MTUS2: variants seen among roughly 807,000 people sequenced by gnomAD.
MTUS2 encodes the protein microtubule-associated tumor suppressor candidate 2.
A neutral mutation model predicts 114.1 loss-of-function variants in MTUS2; 40 were observed. The observed-to-expected ratio is 0.35, with a 90% CI of 0.27 to 0.46. MTUS2 has a LOEUF of 0.46. Among genes scored for constraint, MTUS2 ranks in the 20% least tolerant of loss-of-function variants. The pLI is 1.00. For missense variants in MTUS2, 1,679 were observed against 1,705.4 expected (o/e 0.98, Z 0.27); for synonymous variants, 688 against 672.0 (o/e 1.02, Z -0.37).
At chr13:29,287,548 A>AACAC (rs1898541074) in intron 6 of MTUS2, among the ~76,000 whole-genome samples, 1 of 152,042 alleles carries the variant, frequency 6.6e-6, no homozygotes, top group Non-Finnish European at 1.5e-5. Flanking sequence ...TCCCTCACTG[A>AACAC]ACACATGTGT....
At chr13:29,024,361 A>G (rs186586) in intron 2 of MTUS2, 96 bp from the exon 3 acceptor site, 136,366 of 265,376 alleles carry the variant, frequency 0.51, 35,779 homozygotes, top group African/African-American at 0.62. Context: ...TGAAATAATA[A>G]TATAGAAATG....
chr13:28,971,466 AAG>A (rs1441464884), intron 2 of MTUS2, among the ~76,000 whole-genome samples: 2 of 152,192 alleles, frequency 1.3e-5, no homozygotes, highest in African/African-American at 2.4e-5. Flanking sequence ...CAAGCTGAAA[AAG>A]AAATTGTAAT....
At chr13:28,856,453 G>A (rs895309071) in intron 2 of MTUS2, among the ~76,000 whole-genome samples, 2 of 152,182 alleles carry the variant, frequency 1.3e-5, no homozygotes, top group African/African-American at 4.8e-5. Flanking sequence ...CAGACTGGGT[G>A]TCTCCGAGGG....
Position 29,325,509 on chromosome 13 carries a change from G to T in MTUS2, c.2905+798G>T, listed in dbSNP as rs1342565124. Among the ~76,000 whole-genome samples, 26 of 128,800 alleles carry T rather than the reference G, an allele frequency of 2.0e-4. 1 individual carries two copies. Among genetic ancestry groups the T allele is most frequent in the African/African-American group, 8.8e-4 (26 of 29,494 alleles). The allele number at this position is 128,800 out of a possible 152,430, so 84.5% of individuals were successfully genotyped here. ...GGAAGAGGGAGGAGGAGGAGGAGGA[G>T]AAGGAGGAGGAGGAGGGAGGAAGGA... is the stretch of plus-strand genomic sequence containing the variant. On this transcript the variant is annotated intron_variant, in intron 7 of 15. Transcript: ENST00000612955.
In MTUS2 at chr13:29,025,651, G is replaced by C. The variant is rs759926433; in HGVS notation, c.953G>C (p.Arg318Thr). ...AKLDLKYVPPRRVEQEGKAAQ... is the reference protein window; with the variant it reads ...AKLDLKYVPPTRVEQEGKAAQ... Reference sequence around the variant, plus strand: ...CTGGATCTGAAATATGTTCCTCCCAGGAGAGTTGAACAGGAGGGAAAGGCA... The same window carrying C: ...CTGGATCTGAAATATGTTCCTCCCACGAGAGTTGAACAGGAGGGAAAGGCA... The change falls in exon 3 of 16, where the codon AGG (arginine) becomes ACG (threonine). Residue 318 changes from arginine (R) to threonine (T), a missense_variant. Transcript: ENST00000612955. 1 of 1,614,034 alleles carries C rather than the reference G, an allele frequency of 6.2e-7. No individual in the cohort carries two copies. Among genetic ancestry groups the C allele is most frequent in the Admixed American group, 1.7e-5 (1 of 60,032 alleles).
chr13:29,292,193 T>C (rs1278731975), intron 6 of MTUS2, among the ~76,000 whole-genome samples: 1 of 152,238 alleles, frequency 6.6e-6, no homozygotes, highest in Non-Finnish European at 1.5e-5. Flanking sequence ...GAAACACTTC[T>C]CAGCTGTGAT....
intron 2 of MTUS2, among the ~76,000 whole-genome samples, chr13:28,959,189 C>T (rs1399493659): frequency 6.6e-6 from 1 of 152,184 alleles, no homozygotes; most frequent in Non-Finnish European, 1.5e-5. Context: ...AGGAGCAGTT[C>T]AGTAAGACAG....
chr13:29,378,392 G>T (rs1028254360), intron 8 of MTUS2, among the ~76,000 whole-genome samples: 2 of 152,038 alleles, frequency 1.3e-5, no homozygotes, highest in African/African-American at 4.8e-5. Context: ...TTTGTGCTCC[G>T]TGGGATGAGG....
intron 5 of MTUS2, among the ~76,000 whole-genome samples, chr13:29,200,075 C>G (rs1007633108): frequency 6.6e-6 from 1 of 152,040 alleles, no homozygotes; most frequent in African/African-American, 2.4e-5. Flanking sequence ...TAATTCTTCT[C>G]TCTTTTCTTC....
intron 7 of MTUS2, among the ~76,000 whole-genome samples, chr13:29,345,612 A>T (rs907258603): frequency 3.3e-5 from 5 of 151,764 alleles, no homozygotes; most frequent in African/African-American, 9.7e-5. Context: ...TGGTGCCTCC[A>T]TGTGTGGCTT....
intron 8 of MTUS2, among the ~76,000 whole-genome samples, chr13:29,368,441 A>AG (rs34490637): frequency 0.2 from 30,747 of 152,060 alleles, 3,220 homozygotes; most frequent in Middle Eastern, 0.25. Context: ...GGGTGACTGT[A>AG]TTAACAACAA....
chr13:29,356,117 C>A (rs908584479), intron 7 of MTUS2, among the ~76,000 whole-genome samples: 1 of 152,082 alleles, frequency 6.6e-6, no homozygotes, highest in Non-Finnish European at 1.5e-5. Context: ...ATACTTCAAG[C>A]AGTGGGGAAG....
intron 4 of MTUS2, among the ~76,000 whole-genome samples, chr13:29,046,951 G>A (rs1887649467): frequency 6.6e-6 from 1 of 152,146 alleles, no homozygotes; most frequent in Admixed American, 6.5e-5. Context: ...TGTATGACCT[G>A]ACCCCAGCCA....
At chr13:28,892,981 G>A (rs749856927) in intron 2 of MTUS2, among the ~76,000 whole-genome samples, 50 of 152,282 alleles carry the variant, frequency 3.3e-4, no homozygotes, top group Middle Eastern at 3.4e-3. Context: ...TCTTGGGGTG[G>A]TAGGCATTCA....
chr13:29,221,135 C>T (rs1270712917), intron 5 of MTUS2, among the ~76,000 whole-genome samples: 1 of 152,168 alleles, frequency 6.6e-6, no homozygotes, highest in Non-Finnish European at 1.5e-5. Flanking sequence ...TTCTCACCTG[C>T]CTGTGCATCT....
chr13:29,389,746 CAT>C (rs1873147340), intron 8 of MTUS2, among the ~76,000 whole-genome samples: 5 of 44,472 alleles, frequency 1.1e-4, no homozygotes, highest in Non-Finnish European at 2.2e-4. Flanking sequence ...TATGTATATA[CAT>C]ACATATGTGT....
chr13:29,006,078 A>T (rs1032494020), intron 2 of MTUS2, among the ~76,000 whole-genome samples: 9 of 152,144 alleles, frequency 5.9e-5, no homozygotes, highest in Non-Finnish European at 1.2e-4. Context: ...TTTCTCTTGT[A>T]TGGAGGGGCT....
chr13:29,302,325 G>C (rs1341840420), intron 6 of MTUS2, among the ~76,000 whole-genome samples: 1 of 152,166 alleles, frequency 6.6e-6, no homozygotes, highest in Non-Finnish European at 1.5e-5. Flanking sequence ...GGAAAACCAT[G>C]CTTCTCCCAT....
rs140707090 is a variant in MTUS2 at position 28,937,197 on chromosome 13, C to G, written c.-242-87260C>G. ...GAATTGTAAAATGCACCAATCAGCA[C>G]TCTGTAGCTAGGATTGTAAAATGCA... On this transcript the variant is annotated intron_variant, in intron 2 of 15. Transcript: ENST00000612955. Among the ~76,000 whole-genome samples the G allele has an allele frequency of 8.4e-3, 1,279 of 152,248 alleles. 17 individuals are homozygous for G. Among genetic ancestry groups the G allele is most frequent in the African/African-American group, 0.03 (1,230 of 41,542 alleles).
Sources: allele counts gnomAD v4.1 joint callset (sites outside exome capture counted in the v4.1 genomes callset), GRCh38; gene constraint gnomAD v4.1.1; transcripts MANE v1.5; gene names NCBI Gene and HGNC (gene_info 2026-07-23, HGNC 2026-07-21).